Variants in CFD observed in about 807,000 individuals in gnomAD.
The protein encoded by CFD is complement factor D, also known as C3 convertase activator.
CFD carries 24 observed loss-of-function variants against 21.1 expected under a neutral mutation model. The observed-to-expected ratio is 1.14, with a 90% confidence interval of 0.82 to 1.60. The LOEUF (loss-of-function observed/expected upper bound fraction) is 1.60, where lower values mean the gene tolerates loss of function less well. Ranked by LOEUF, CFD falls within the 40% of genes most tolerant of loss-of-function variation. CFD has a pLI of 0.00. For synonymous variants in CFD, 242 were observed against 175.9 expected (o/e 1.38, Z -2.97); for missense variants, 535 against 383.3 (o/e 1.40, Z -3.31).
Position 863,364 on chromosome 19 carries a change from G to A in CFD, c.*126G>A. On this transcript the variant is annotated 3_prime_UTR_variant, in exon 5 of 5. Coordinates refer to ENST00000327726, the MANE Select transcript of CFD (RefSeq NM_001928.4). ...TATGCAGAAGGGGAGGCCGAGGTGG[G>A]AGGATCATTGGATCTCAGGAGTTCG... 2.6e-6 allele frequency: 3 copies of A among 1,135,172 alleles called. No homozygotes were observed. Among genetic ancestry groups the A allele is most frequent in the Non-Finnish European group, 3.8e-6 (3 of 784,336 alleles). 70.3% of individuals were successfully genotyped at this position (1,135,172 alleles called of 1,614,324 possible).
intron 4 of CFD, 51 bp downstream of exon 4, chr19:862,007 G>C: frequency 1.3e-6 from 2 of 1,506,726 alleles, no homozygotes; most frequent in South Asian, 1.2e-5. Context: ...CCCCGGGAAG[G>C]GCCTGCAGAG....
chr19:862,125 G>A (rs1287810428), intron 4 of CFD, among the ~76,000 whole-genome samples, 169 bp downstream of exon 4: 1 of 146,134 alleles, frequency 6.8e-6, no homozygotes, highest in Non-Finnish European at 1.5e-5. Flanking sequence ...CCGTGGGCGG[G>A]GCCTGTATGA....
rs759228752 is a variant in CFD, at chr19:860,867, C to A, written c.219C>A (p.Asp73Glu). ...GACTCCGTCCGGTCCCCAGGGCCGA[C>A]GGGAAGGTGCAGGTTCTCCTGGGCG... ...SAAHCLEDAA[D>E]GKVQVLLGAH... Residue 73 changes from aspartate to glutamate, a missense_variant, in exon 3 of 5, where the codon GAC becomes GAA. Coordinates refer to ENST00000327726, the MANE Select transcript of CFD (RefSeq NM_001928.4). 1.5e-5 allele frequency: 23 copies of A among 1,573,658 alleles called. No individual in the cohort carries two copies. The highest frequency in any genetic ancestry group is 5.4e-5 in the Admixed American group (3 of 55,220).
rs1343995785 is a variant in CFD at position 860,666 on chromosome 19, C to G, written c.105C>G (p.His35Gln). ...TGGGCGGCAGAGAGGCCGAGGCGCA[C>G]GCGCGGCCCTACATGGCGTCGGTGC... ...RILGGREAEA[H>Q]ARPYMASVQL... Residue 35 changes from histidine to glutamine, a missense_variant, in exon 2 of 5, where the codon CAC (histidine) becomes CAG (glutamine). Transcript: ENST00000327726. The G allele has an allele frequency of 2.0e-6, 3 of 1,507,862 alleles. No homozygotes were observed. The highest frequency in any genetic ancestry group is 2.6e-6 in the Non-Finnish European group (3 of 1,137,424). The allele number at this position is 1,507,862 out of a possible 1,614,324, so 93.4% of individuals were successfully genotyped here. A position where few individuals can be genotyped will look rare whatever the true frequency, so the allele number is the denominator to read the frequency against.
chr19:861,035 C>A lies in CFD; in HGVS notation c.357+30C>A, dbSNP rs910196599. 1.3e-5 allele frequency: 21 copies of A among 1,591,186 alleles called. No homozygotes were observed. The Admixed American group carries it at 3.5e-4, about 27-fold the overall frequency. Reference sequence around the variant, plus strand: ...GCCCCGTGTAGCGCAGTCCCTCCTGCGGCGCTGGGATCCCCGGCCCACCCT... The same window carrying A: ...GCCCCGTGTAGCGCAGTCCCTCCTGAGGCGCTGGGATCCCCGGCCCACCCT... On this transcript the variant is annotated intron_variant, in intron 3 of 4. Coordinates refer to ENST00000327726, the MANE Select transcript of CFD (RefSeq NM_001928.4).
chr19:862,641 CTTGCATGGT>C (rs2035818993), intron 4 of CFD, among the ~76,000 whole-genome samples: 1 of 150,516 alleles, frequency 6.6e-6, no homozygotes, highest in Non-Finnish European at 1.5e-5. Context: ...CCAGCCGAGG[CTTGCATGGT>C]AGCCGGGGCC....
chr19:860,530 T>TG (rs1291082612), intron 1 of CFD, 87 bp from the exon 2 acceptor site: 23 of 1,215,630 alleles, frequency 1.9e-5, no homozygotes, highest in Middle Eastern at 3.3e-4. Flanking sequence ...GGGAGCGGCC[T>TG]GGGGGGTGAG....
intron 4 of CFD, 127 bp downstream of exon 4, chr19:862,083 G>A (rs1310969193): frequency 1.3e-5 from 13 of 997,374 alleles, no homozygotes; most frequent in East Asian, 1.3e-4. Context: ...TAGGGGGCGG[G>A]AACTGGAAGA....
intron 1 of CFD, 65 bp from the exon 2 acceptor site, chr19:860,552 C>G (rs955236041): frequency 2.7e-5 from 37 of 1,353,740 alleles, no homozygotes; most frequent in Admixed American, 1.2e-4. Context: ...GCTGGGATCC[C>G]GTCAGGCAGC....
At position 861,781 on chromosome 19, in the gene CFD, T is replaced by C. The variant is rs2035798446; in HGVS notation, c.440T>C (p.Leu147Pro). ...RVDRDVAPGT[L>P]CDVAGWGIVN... is the part of the protein sequence containing the mutation. ...GACCGCGACGTGGCACCGGGAACTCTCTGCGACGTGGCCGGCTGGGGCATA... is the reference window on the plus strand; with the variant it reads ...GACCGCGACGTGGCACCGGGAACTCCCTGCGACGTGGCCGGCTGGGGCATA... The change falls in exon 4 of 5, where the codon CTC becomes CCC. Residue 147 changes from leucine to proline, a missense_variant. Coordinates refer to ENST00000327726, the MANE Select transcript of CFD (RefSeq NM_001928.4). The C allele has an allele frequency of 1.2e-6, 2 of 1,605,628 alleles. No individual in the cohort carries two copies. Among genetic ancestry groups the C allele is most frequent in the East Asian group, 2.2e-5 (1 of 44,744 alleles).
At chr19:860,494 C>A in intron 1 of CFD, 123 bp from the exon 2 acceptor site, 1 of 1,085,980 alleles carries the variant, frequency 9.2e-7, no homozygotes, top group Non-Finnish European at 1.2e-6. Flanking sequence ...GCGTGAGCCA[C>A]CGCGCCCAGA....
rs754202853 is a variant in CFD at position 863,277 on chromosome 19, A to G, written c.*39A>G. On this transcript the variant is annotated 3_prime_UTR_variant, in exon 5 of 5. Coordinates refer to ENST00000327726, the MANE Select transcript of CFD (RefSeq NM_001928.4). Reference sequence around the variant, plus strand: ...GAAGGTCAGGGTCACCCAAGCAACAAAGTCCCGAGCAATGAAGTCATCCAC... The same window carrying G: ...GAAGGTCAGGGTCACCCAAGCAACAGAGTCCCGAGCAATGAAGTCATCCAC... 1 of 1,543,886 alleles carries G rather than the reference A, an allele frequency of 6.5e-7. No homozygotes were observed. Among genetic ancestry groups the G allele is most frequent in the Non-Finnish European group, 8.7e-7 (1 of 1,150,990 alleles).
chr19:862,075 G>C (rs1599302281), intron 4 of CFD, 119 bp downstream of exon 4: 9 of 1,400,056 alleles, frequency 6.4e-6, no homozygotes, highest in East Asian at 2.5e-5. Flanking sequence ...GGGGCGCGTA[G>C]GGGGCGGGAA....
Position 861,902 on chromosome 19 carries a change from C to T in CFD, c.561C>T (p.Gly187=). 2 of 1,578,690 alleles carry T rather than the reference C, an allele frequency of 1.3e-6. No homozygotes were observed. Among genetic ancestry groups the T allele is most frequent in the Non-Finnish European group, 8.6e-7 (1 of 1,169,566 alleles). The change falls in exon 4 of 5, where the codon GGC becomes GGT. Residue 187 remains glycine (G), a synonymous_variant. Transcript: ENST00000327726. ...GCAACCGGCGCACGCACCACGACGG[C>T]GCCATCACCGAGCGCTTGATGTGCG... ...ATCNRRTHHD[G]AITERLMCAE... is the part of the protein sequence containing the mutation.
Position 863,142 on chromosome 19 carries a change from CACCTCGGGCTCGCGCGT to C in CFD, c.667_683del (p.Thr223LeufsTer115). 34 of 1,534,480 alleles carry C rather than the reference CACCTCGGGCTCGCGCGT, an allele frequency of 2.2e-5. No homozygotes were observed. Among genetic ancestry groups the C allele is most frequent in the Non-Finnish European group, 3.0e-5 (34 of 1,145,178 alleles). On this transcript the variant is annotated frameshift_variant, in exon 5 of 5. Transcript: ENST00000327726. LOFTEE classifies it low-confidence loss of function (END_TRUNC). ...GCGGGGGCGTGCTCGAGGGCGTGGT[CACCTCGGGCTCGCGCGT>C]TTGCGGCAACCGCAAGAAGCCCGGG...
In CFD at chr19:861,920, G is replaced by T; in HGVS notation, c.579G>T (p.Leu193Phe). The T allele has an allele frequency of 6.4e-7, 1 of 1,567,010 alleles. No homozygotes were observed. The highest frequency in any genetic ancestry group is 8.6e-7 in the Non-Finnish European group (1 of 1,163,642). The change falls in exon 4 of 5, where the codon TTG becomes TTT. Residue 193 changes from leucine to phenylalanine, a missense_variant. Leu to Phe is a conservative substitution (Grantham distance 22). Coordinates refer to ENST00000327726, the MANE Select transcript of CFD (RefSeq NM_001928.4). ...THHDGAITER[L>F]MCAESNRRDS... ...ACGACGGCGCCATCACCGAGCGCTT[G>T]ATGTGCGCGGAGAGCAATCGCCGGG...
chr19:859,680 C>G lies in CFD; in HGVS notation c.-10C>G. ...GCCTGGGTCAGTGTCTCAGCCACAG[C>G]GGCTTCACCATGCACAGCTGGGAGC... On this transcript the variant is annotated 5_prime_UTR_variant, in exon 1 of 5. Coordinates refer to ENST00000327726, the MANE Select transcript of CFD (RefSeq NM_001928.4). 1 of 1,561,972 alleles carries G rather than the reference C, an allele frequency of 6.4e-7. No homozygotes were observed. The highest frequency in any genetic ancestry group is 8.7e-7 in the Non-Finnish European group (1 of 1,153,410).
At chr19:862,157 G>C (rs1197575126) in intron 4 of CFD, among the ~76,000 whole-genome samples, 1 of 148,278 alleles carries the variant, frequency 6.7e-6, no homozygotes, top group African/African-American at 2.5e-5. Flanking sequence ...ATGTGGGTAG[G>C]GTGGGGCCTT....
chr19:860,679 A>G lies in CFD; in HGVS notation c.118A>G (p.Met40Val), dbSNP rs1275194838. ...REAEAHARPYMASVQLNGAHL... is the reference protein window; with the variant it reads ...REAEAHARPYVASVQLNGAHL... ...GGCCGAGGCGCACGCGCGGCCCTAC[A>G]TGGCGTCGGTGCAGCTGAACGGCGC... Residue 40 changes from methionine to valine, a missense_variant, in exon 2 of 5, where the codon ATG becomes GTG. Physicochemically the swap from Met to Val is conservative, Grantham distance 21. Transcript: ENST00000327726. 1.1e-5 allele frequency: 17 copies of G among 1,537,720 alleles called. No homozygotes were observed. Among genetic ancestry groups the G allele is most frequent in the Non-Finnish European group, 1.4e-5 (16 of 1,152,004 alleles).
Sources: allele counts gnomAD v4.1 joint callset (sites outside exome capture counted in the v4.1 genomes callset), GRCh38; gene constraint gnomAD v4.1.1; transcripts MANE v1.5; gene names NCBI Gene and HGNC (gene_info 2026-07-23, HGNC 2026-07-21).